The following SNX3 variants were observed in gnomAD, a reference collection of about 807,000 sequenced individuals.
SNX3 encodes sorting nexin-3.
SNX3 carries 5 observed loss-of-function variants against 17.7 expected under a neutral mutation model. That is an observed-to-expected ratio of 0.28 (90% CI 0.15 to 0.59). The LOEUF (loss-of-function observed/expected upper bound fraction) is 0.59. Ranked by LOEUF, SNX3 falls within the 20% of genes least tolerant of loss-of-function variation. The pLI is 0.88. For synonymous variants in SNX3, 91 were observed against 76.5 expected (o/e 1.19, Z -0.99); for missense variants, 132 against 206.8 (o/e 0.64, Z 2.22).
intron 2 of SNX3, among the ~76,000 whole-genome samples, 157 bp from the exon 3 acceptor site, chr6:108,214,779 C>G (rs563247499): frequency 5.9e-5 from 9 of 152,196 alleles, no homozygotes; most frequent in African/African-American, 1.9e-4. Context: ...GAAAAAAGAC[C>G]AAATGTTTAG....
chr6:108,228,833 T>C (rs1775050678), intron 1 of SNX3, among the ~76,000 whole-genome samples: 1 of 151,968 alleles, frequency 6.6e-6, no homozygotes, highest in Non-Finnish European at 1.5e-5. Flanking sequence ...AGCATTGTAA[T>C]AGACACAAAA....
At chr6:108,219,177 C>T (rs1181304778) in intron 2 of SNX3, among the ~76,000 whole-genome samples, 5 of 151,746 alleles carry the variant, frequency 3.3e-5, no homozygotes, top group East Asian at 1.9e-4. Flanking sequence ...GGTGAAACCC[C>T]GTCTCTACTA....
chr6:108,241,398 G>A (rs1775519776), intron 1 of SNX3, among the ~76,000 whole-genome samples: 1 of 152,010 alleles, frequency 6.6e-6, no homozygotes, highest in South Asian at 2.1e-4. Context: ...GCTCACGTCT[G>A]TAATCCTAGT....
intron 1 of SNX3, among the ~76,000 whole-genome samples, chr6:108,244,149 C>T (rs1775611449): frequency 6.6e-6 from 1 of 151,948 alleles, no homozygotes; most frequent in African/African-American, 2.4e-5. Context: ...CCAGTTCTCC[C>T]CCGCTTTTTT....
chr6:108,251,820 G>A (rs943779961), intron 1 of SNX3, among the ~76,000 whole-genome samples: 1 of 152,020 alleles, frequency 6.6e-6, no homozygotes, highest in African/African-American at 2.4e-5. Context: ...CCTGTATTTT[G>A]GGAGGCTGAA....
Position 108,223,497 on chromosome 6 carries a change from C to CTTTTTTTT in SNX3, c.163-460_163-453dup, listed in dbSNP as rs59920022. The stretch of plus-strand genomic sequence containing the variant: ...ATAACAAAATAAAACTTTGCTAGTT[C>CTTTTTTTT]TTTTTTTTTTTTTTTTTTTTTTTTT... On this transcript the variant is annotated intron_variant, in intron 1 of 3. Transcript: ENST00000230085. Among the ~76,000 whole-genome samples the CTTTTTTTT allele has an allele frequency of 1.6e-3, 181 of 110,344 alleles. 29 individuals are homozygous for CTTTTTTTT. Among genetic ancestry groups the CTTTTTTTT allele is most frequent in the African/African-American group, 7.3e-3 (173 of 23,762 alleles). The allele number at this position is 110,344 out of a possible 152,430, so 72.4% of individuals were successfully genotyped here. A position where few individuals can be genotyped will look rare whatever the true frequency, so the allele number is the denominator to read the frequency against.
intron 1 of SNX3, among the ~76,000 whole-genome samples, chr6:108,252,665 TTTTTTCTC>T (rs966678931): frequency 3.3e-5 from 5 of 151,920 alleles, no homozygotes; most frequent in Admixed American, 1.3e-4. Context: ...AGAATAAACT[TTTTTTCTC>T]TTTTTCTCTT....
At chr6:108,247,674 G>A (rs1775734193) in intron 1 of SNX3, among the ~76,000 whole-genome samples, 2 of 151,976 alleles carry the variant, frequency 1.3e-5, no homozygotes, top group African/African-American at 2.4e-5. Flanking sequence ...GAGCCACCAC[G>A]CCCAGCCTAT....
At chr6:108,223,487 T>G (rs2114717200) in intron 1 of SNX3, among the ~76,000 whole-genome samples, 1 of 149,380 alleles carries the variant, frequency 6.7e-6, no homozygotes, top group East Asian at 2.0e-4. Flanking sequence ...AAAATAAAAC[T>G]TTGCTAGTTC....
chr6:108,242,114 T>C (rs1775538448), intron 1 of SNX3, among the ~76,000 whole-genome samples: 1 of 151,974 alleles, frequency 6.6e-6, no homozygotes, highest in African/African-American at 2.4e-5. Flanking sequence ...ATCAGCAAAC[T>C]TGAAGACACA....
chr6:108,228,657 C>T (rs919841859), intron 1 of SNX3, among the ~76,000 whole-genome samples: 4 of 152,060 alleles, frequency 2.6e-5, no homozygotes, highest in Admixed American at 6.6e-5. Context: ...GATCACATCA[C>T]TCACTGTATT....
At chr6:108,212,463 G>C (rs1167552016) in intron 3 of SNX3, among the ~76,000 whole-genome samples, 13 of 151,926 alleles carry the variant, frequency 8.6e-5, no homozygotes, top group Admixed American at 8.5e-4. Context: ...TCAGCCCCCT[G>C]AGTAGCTGGG....
chr6:108,212,955 T>C (rs1365638921), intron 3 of SNX3, among the ~76,000 whole-genome samples: 2 of 150,912 alleles, frequency 1.3e-5, no homozygotes, highest in Non-Finnish European at 3.0e-5. Flanking sequence ...TGGTGTGATC[T>C]TGGCTCACTG....
chr6:108,227,523 G>T (rs150664248), intron 1 of SNX3, among the ~76,000 whole-genome samples: 17 of 152,302 alleles, frequency 1.1e-4, no homozygotes, highest in African/African-American at 4.1e-4. Context: ...GGGGAGGGGT[G>T]AGGGGGAAAA....
intron 1 of SNX3, among the ~76,000 whole-genome samples, chr6:108,250,770 A>AGGT (rs1775830652): frequency 6.6e-6 from 1 of 152,234 alleles, no homozygotes; most frequent in Non-Finnish European, 1.5e-5. Context: ...AACAAGCTAT[A>AGGT]GGTGGCAGGT....
chr6:108,240,484 G>A (rs562421897), intron 1 of SNX3, among the ~76,000 whole-genome samples: 1 of 152,274 alleles, frequency 6.6e-6, no homozygotes, highest in Non-Finnish European at 1.5e-5. Context: ...CTCCCAAAGT[G>A]TTGGGATTAC....
chr6:108,222,653 G>A (rs1284445450), intron 2 of SNX3, among the ~76,000 whole-genome samples: 3 of 152,304 alleles, frequency 2.0e-5, no homozygotes, highest in Non-Finnish European at 4.4e-5. Context: ...AGTGTGTGGA[G>A]AGGGGAAGAT....
At chr6:108,260,509 C>G (rs921831525) in intron 1 of SNX3, among the ~76,000 whole-genome samples, 2 of 152,226 alleles carry the variant, frequency 1.3e-5, no homozygotes, top group Non-Finnish European at 2.9e-5. Context: ...GCTGGAGGGG[C>G]AAGCGGCGCT....
At chr6:108,246,484 C>T (rs1009218768) in intron 1 of SNX3, among the ~76,000 whole-genome samples, 1 of 150,482 alleles carries the variant, frequency 6.6e-6, no homozygotes, top group African/African-American at 2.4e-5. Context: ...ACCACCATGC[C>T]TAATTTTTTT....
Sources: allele counts gnomAD v4.1 joint callset (sites outside exome capture counted in the v4.1 genomes callset), GRCh38; gene constraint gnomAD v4.1.1; transcripts MANE v1.5; gene names NCBI Gene and HGNC (gene_info 2026-07-23, HGNC 2026-07-21).